The following PSMG4 variants were observed in gnomAD, a reference collection of about 807,000 sequenced individuals.
The protein encoded by PSMG4 is proteasome assembly chaperone 4.
Under a neutral mutation model 11.0 loss-of-function variants are expected in PSMG4, and 10 were observed. That is an observed-to-expected ratio of 0.91 (90% CI 0.56 to 1.54). The LOEUF (loss-of-function observed/expected upper bound fraction) is 1.54. Among genes scored for constraint, PSMG4 ranks in the 40% most tolerant of loss-of-function variants. The pLI, the probability that PSMG4 is intolerant of heterozygous loss-of-function variation, is 0.00. For missense variants in PSMG4, 198 were observed against 160.9 expected (o/e 1.23, Z -1.25); for synonymous variants, 95 against 71.3 (o/e 1.33, Z -1.68).
At chr6:3,255,222 C>G (rs762927137), upstream of PSMG4, 2 of 1,549,840 alleles carry the variant, frequency 1.3e-6, no homozygotes, top group Admixed American at 2.0e-5. Context: ...GGAGCAAAAT[C>G]AACTCTGGTA....
chr6:3,257,530 A>G (rs1259612758), upstream of PSMG4, among the ~76,000 whole-genome samples: 2 of 152,200 alleles, frequency 1.3e-5, no homozygotes, highest in South Asian at 2.1e-4. Context: ...GGATAAAACA[A>G]TTATGGTGTA....
At chr6:3,262,371 T>G (rs1326245180) in intron 1 of PSMG4, among the ~76,000 whole-genome samples, 1 of 152,258 alleles carries the variant, frequency 6.6e-6, no homozygotes, top group East Asian at 1.9e-4. Flanking sequence ...AAGGTTTAAC[T>G]GTACATACTA....
intron 1 of PSMG4, among the ~76,000 whole-genome samples, chr6:3,260,709 A>AG (rs1350584471): frequency 7.9e-5 from 12 of 152,202 alleles, no homozygotes; most frequent in African/African-American, 2.7e-4. Context: ...AGGTACCCAG[A>AG]GGTTAGGACT....
intron 1 of PSMG4, among the ~76,000 whole-genome samples, chr6:3,260,808 G>A (rs189490208): frequency 2.6e-3 from 403 of 152,280 alleles, no homozygotes; most frequent in Middle Eastern, 0.014. Flanking sequence ...ACTGAAGTTG[G>A]ATATTTTCAT....
chr6:3,258,613 G>A (rs978171224), upstream of PSMG4, among the ~76,000 whole-genome samples: 9 of 152,186 alleles, frequency 5.9e-5, no homozygotes, highest in African/African-American at 1.9e-4. Context: ...AGGACGGTGC[G>A]GCTGGCTTCA....
At chr6:3,262,419 A>C (rs1338920853) in intron 1 of PSMG4, among the ~76,000 whole-genome samples, 1 of 152,248 alleles carries the variant, frequency 6.6e-6, no homozygotes, top group Admixed American at 6.5e-5. Flanking sequence ...AGGAATCTGT[A>C]AACAGCAGGC....
Position 3,259,095 on chromosome 6 carries a change from C to T in PSMG4, c.73C>T (p.Leu25=), listed in dbSNP as rs916321712. The part of the protein sequence containing the change: ...HNFSARLWEQ[L]VHFHVMRLTD... ...CTTCAGCGCGAGGCTGTGGGAGCAG[C>T]TGGTCCACTTCCACGTCATGCGGCT... is the stretch of plus-strand genomic sequence containing the variant. The change falls in exon 1 of 3, where the codon CTG becomes TTG. Residue 25 remains leucine, a synonymous_variant. Transcript: ENST00000438998. 104 of 1,273,646 alleles carry T rather than the reference C, an allele frequency of 8.2e-5. No individual in the cohort carries two copies. The highest frequency in any genetic ancestry group is 2.1e-4 in the Middle Eastern group (1 of 4,784). The allele number at this position is 1,273,646 out of a possible 1,614,324, so 78.9% of individuals were successfully genotyped here.
chr6:3,264,317 G>A (rs1302967475), intron 2 of PSMG4: 1 of 1,550,502 alleles, frequency 6.4e-7, no homozygotes, highest in South Asian at 1.2e-5. Context: ...CACACTTCCT[G>A]TGGGCCAGGT....
intron 2 of PSMG4, 164 bp downstream of exon 2, chr6:3,263,923 G>A: frequency 7.0e-7 from 1 of 1,424,342 alleles, no homozygotes. Context: ...TTATTTAAGG[G>A]GCACATTCCA....
upstream of PSMG4, chr6:3,255,379 T>C (rs1053709264): frequency 2.1e-6 from 3 of 1,405,172 alleles, no homozygotes; most frequent in South Asian, 3.0e-5. Flanking sequence ...TGGATGATGT[T>C]TGTTGAGTGA....
chr6:3,259,279 C>G lies in PSMG4; in HGVS notation c.174+83C>G. The G allele has an allele frequency of 3.4e-6, 4 of 1,170,416 alleles. 1 individual carries two copies. Among genetic ancestry groups the G allele is most frequent in the Non-Finnish European group, 4.3e-6 (4 of 932,418 alleles). The allele number at this position is 1,170,416 out of a possible 1,614,324, so 72.5% of individuals were successfully genotyped here. A position where few individuals can be genotyped will look rare whatever the true frequency, so the allele number is the denominator to read the frequency against. ...CCTGCGCGAGCTGCAGCCCCCCAGGCTTCTCTTGGGTCCACAGGGCGCCCT... is the reference window on the plus strand; with the variant it reads ...CCTGCGCGAGCTGCAGCCCCCCAGGGTTCTCTTGGGTCCACAGGGCGCCCT... On this transcript the variant is annotated intron_variant, in intron 1 of 2. Transcript: ENST00000438998.
At chr6:3,267,509 T>G (rs762744739) in intron 2 of PSMG4, 82 bp from the exon 3 acceptor site, 138 of 1,485,458 alleles carry the variant, frequency 9.3e-5, no homozygotes, top group Admixed American at 1.5e-4. Flanking sequence ...TTCTGAGCAT[T>G]TCCCAGCTGC....
chr6:3,263,572 C>T (rs1250573062), intron 1 of PSMG4, 112 bp from the exon 2 acceptor site: 2 of 939,738 alleles, frequency 2.1e-6, no homozygotes, highest in Non-Finnish European at 3.1e-6. Flanking sequence ...TGCCTGTCCT[C>T]TCTGAACCTG....
chr6:3,265,054 A>G (rs574105874), intron 2 of PSMG4: 1 of 152,294 alleles, frequency 6.6e-6, no homozygotes, highest in South Asian at 2.1e-4. Context: ...TAACTTTCAT[A>G]TCAATAAGGT....
At chr6:3,263,598 TGAA>T in intron 1 of PSMG4, 83 bp from the exon 2 acceptor site, 1 of 1,199,686 alleles carries the variant, frequency 8.3e-7, no homozygotes, top group Non-Finnish European at 1.1e-6. Context: ...GCCATCGTCG[TGAA>T]GAATCAGAAG....
chr6:3,255,960 C>G (rs1339220489), upstream of PSMG4, among the ~76,000 whole-genome samples: 2 of 152,258 alleles, frequency 1.3e-5, no homozygotes, highest in African/African-American at 4.8e-5. Context: ...TCACACCACT[C>G]TAGCAAAGAT....
chr6:3,263,869 C>T lies in PSMG4; in HGVS notation c.250+110C>T, dbSNP rs192898120. 1.3e-4 allele frequency: 195 copies of T among 1,474,532 alleles called. No homozygotes were observed. In the African/African-American group the frequency reaches 2.4e-3, roughly 18 times the overall value. 91.3% of individuals were successfully genotyped at this position (1,474,532 alleles called of 1,614,324 possible). A position where few individuals can be genotyped will look rare whatever the true frequency, so the allele number is the denominator to read the frequency against. On this transcript the variant is annotated intron_variant, in intron 2 of 2. Coordinates refer to ENST00000438998, the MANE Select transcript of PSMG4 (RefSeq NM_001128591.2). ...AAAGCATCTTTATGCTAAGAACCATCACCTCATTGCTGCTGGGAAGCACAG... is the reference window on the plus strand; with the variant it reads ...AAAGCATCTTTATGCTAAGAACCATTACCTCATTGCTGCTGGGAAGCACAG...
chr6:3,254,698 C>CA (rs768380825), upstream of PSMG4, among the ~76,000 whole-genome samples: 7 of 152,250 alleles, frequency 4.6e-5, no homozygotes, highest in East Asian at 7.7e-4. Context: ...CAGAAAGAAG[C>CA]TGTGGGATGC....
At chr6:3,255,022 A>T (rs758406854), upstream of PSMG4, 5 of 1,548,512 alleles carry the variant, frequency 3.2e-6, no homozygotes, top group Non-Finnish European at 8.7e-7. Context: ...GAGCGCTGGG[A>T]TAATGGCGCT....
Sources: gnomAD v4.1 joint callset for allele counts (sites outside exome capture counted in the v4.1 genomes callset) on GRCh38, gnomAD v4.1.1 for gene constraint, MANE v1.5 for transcripts, NCBI Gene and HGNC (gene_info 2026-07-23, HGNC 2026-07-21) for gene names.